PNPLA8: variants seen among roughly 807,000 people sequenced by gnomAD.
PNPLA8 encodes the protein patatin like domain 8, phospholipase A2.
Under a neutral mutation model 76.9 loss-of-function variants are expected in PNPLA8, and 39 were observed. That is an observed-to-expected ratio of 0.51 (90% CI 0.39 to 0.66). PNPLA8 has a LOEUF of 0.66. PNPLA8 is among the 30% of genes least tolerant of loss of function. The probability of loss-of-function intolerance (pLI) is 0.00; values close to 1 mark genes in which losing one functional copy is unlikely to be tolerated. For missense variants in PNPLA8, 887 were observed against 918.0 expected (o/e 0.97, Z 0.44); for synonymous variants, 301 against 307.9 (o/e 0.98, Z 0.24).
chr7:108,487,874 C>G lies in PNPLA8; in HGVS notation c.1763G>C (p.Gly588Ala). The G allele has an allele frequency of 6.2e-7, 1 of 1,613,158 alleles. No individual in the cohort carries two copies. Among genetic ancestry groups the G allele is most frequent in the South Asian group, 1.1e-5 (1 of 91,018 alleles). Residue 588 changes from glycine to alanine, a missense_variant, in exon 9 of 11, where the codon GGA becomes GCA. Gly to Ala is a moderately conservative substitution (Grantham distance 60). Coordinates refer to ENST00000257694, the MANE Select transcript of PNPLA8 (RefSeq NM_001256007.3). ...FVFRNYGHFP[G>A]INSHYLGGCQ... ...GCCTCCCAAATAATGAGAGTTGATT[C>G]CAGGAAAATGACCATAGTTTCTGAA...
intron 9 of PNPLA8, 116 bp from the exon 10 acceptor site, chr7:108,479,495 CTT>C (rs1860245180): frequency 1.5e-6 from 1 of 689,472 alleles, no homozygotes; most frequent in African/African-American, 1.8e-5. Context: ...AAGTGCATTT[CTT>C]TTATAGACTA....
chr7:108,512,025 C>G (rs756608289), intron 4 of PNPLA8, among the ~76,000 whole-genome samples: 4 of 152,172 alleles, frequency 2.6e-5, no homozygotes, highest in Non-Finnish European at 5.9e-5. Context: ...GTGGCAACTT[C>G]TGCTGAAATA....
Position 108,514,473 on chromosome 7 carries a change from G to C in PNPLA8, c.1019C>G (p.Ala340Gly). 1.2e-6 allele frequency: 2 copies of C among 1,612,826 alleles called. No homozygotes were observed. The highest frequency in any genetic ancestry group is 1.1e-5 in the South Asian group (1 of 91,008). Residue 340 changes from alanine (A) to glycine (G), a missense_variant, in exon 3 of 11, where the codon GCA (alanine) becomes GGA (glycine). Coordinates refer to ENST00000257694, the MANE Select transcript of PNPLA8 (RefSeq NM_001256007.3). ...AAGAGATAAACGCTTTTTCTCCTCT[G>C]CATTTCTGTCTTTGCTGACAGCCTG... ...TDQAVSKDRN[A>G]EEKKRLSLQR...
At chr7:108,506,105 C>A (rs944036421) in intron 4 of PNPLA8, among the ~76,000 whole-genome samples, 1 of 152,166 alleles carries the variant, frequency 6.6e-6, no homozygotes, top group African/African-American at 2.4e-5. Flanking sequence ...AGGTTGGGCA[C>A]AGTGGCTCAC....
intron 8 of PNPLA8, among the ~76,000 whole-genome samples, chr7:108,490,052 G>A (rs1321159056): frequency 2.6e-5 from 4 of 152,162 alleles, no homozygotes; most frequent in South Asian, 2.1e-4. Flanking sequence ...GACTATAAAC[G>A]GGCTTCTATG....
intron 4 of PNPLA8, chr7:108,502,887 ATACT>A (rs1001930380): frequency 1.0e-5 from 3 of 288,434 alleles, no homozygotes; most frequent in African/African-American, 4.4e-5. Flanking sequence ...AAAAGATGTA[ATACT>A]TAACTAGAGA....
At chr7:108,502,016 T>C (rs1861985601) in intron 5 of PNPLA8, among the ~76,000 whole-genome samples, 1 of 152,080 alleles carries the variant, frequency 6.6e-6, no homozygotes, top group Non-Finnish European at 1.5e-5. Flanking sequence ...CTGAAGTATA[T>C]GTCAGAGTAG....
intron 10 of PNPLA8, 116 bp from the exon 11 acceptor site, chr7:108,472,791 A>G (rs1158771270): frequency 1.6e-6 from 1 of 628,758 alleles, no homozygotes; most frequent in Non-Finnish European, 2.6e-6. Context: ...CATTACAAAG[A>G]TTCACTAATT....
At chr7:108,522,176 C>T (rs992483000) in intron 1 of PNPLA8, among the ~76,000 whole-genome samples, 1 of 151,924 alleles carries the variant, frequency 6.6e-6, no homozygotes, top group East Asian at 1.9e-4. Context: ...TGACTATAGT[C>T]CCAGCTATTC....
intron 5 of PNPLA8, among the ~76,000 whole-genome samples, chr7:108,501,778 C>A (rs1388926449): frequency 6.6e-6 from 1 of 151,782 alleles, no homozygotes; most frequent in Non-Finnish European, 1.5e-5. Context: ...GATCTGAGAT[C>A]GCACCACTGC....
At chr7:108,514,103 C>A in intron 4 of PNPLA8, 41 bp downstream of exon 4, 2 of 1,411,520 alleles carry the variant, frequency 1.4e-6, no homozygotes, top group Non-Finnish European at 2.0e-6. Flanking sequence ...TTTAGTACTT[C>A]TATTCCAAGA....
chr7:108,516,782 A>C (rs532327663), intron 2 of PNPLA8, among the ~76,000 whole-genome samples: 1 of 152,186 alleles, frequency 6.6e-6, no homozygotes, highest in East Asian at 1.9e-4. Flanking sequence ...CACGTCGGTA[A>C]TCTCAGCTAC....
chr7:108,478,873 G>A (rs1860186647), intron 10 of PNPLA8, among the ~76,000 whole-genome samples: 1 of 152,122 alleles, frequency 6.6e-6, no homozygotes, highest in African/African-American at 2.4e-5. Flanking sequence ...GACTCCTTTT[G>A]TTGCTTTTCC....
rs766590500 is a variant in PNPLA8, at chr7:108,515,043, A to T, written c.449T>A (p.Ile150Asn). Residue 150 changes from isoleucine (I) to asparagine (N), a missense_variant, in exon 3 of 11, where the codon ATC becomes AAC. By Grantham distance (149) the Ile-to-Asn change is moderately radical. Transcript: ENST00000257694. Reference sequence around the variant, plus strand: ...TTTCAGAGATTTGATGGCTTGTTTGATGTTTTTCTGTTTTAACCAGCCACT... The same window carrying T: ...TTTCAGAGATTTGATGGCTTGTTTGTTGTTTTTCTGTTTTAACCAGCCACT... Reference protein sequence around the residue: ...SDSGWLKQKNIKQAIKSLKKY... With the variant: ...SDSGWLKQKNNKQAIKSLKKY... The T allele has an allele frequency of 6.2e-7, 1 of 1,607,846 alleles. No individual in the cohort carries two copies. The highest frequency in any genetic ancestry group is 8.5e-7 in the Non-Finnish European group (1 of 1,179,862).
In PNPLA8 at chr7:108,494,149, T is replaced by C. The variant is rs79993898; in HGVS notation, c.1625+2435A>G. On this transcript the variant is annotated intron_variant, in intron 7 of 10. Coordinates refer to ENST00000257694, the MANE Select transcript of PNPLA8 (RefSeq NM_001256007.3). Reference sequence around the variant, plus strand: ...AGAATTACATATAAACTGAAAACTTTAGAACTAGGAAATAATACAAATATT... The same window carrying C: ...AGAATTACATATAAACTGAAAACTTCAGAACTAGGAAATAATACAAATATT... Among the ~76,000 whole-genome samples, 1,165 of 152,294 alleles carry C rather than the reference T, an allele frequency of 7.6e-3. 14 individuals carry two copies. The highest frequency in any genetic ancestry group is 0.026 in the African/African-American group (1,085 of 41,546).
intron 2 of PNPLA8, among the ~76,000 whole-genome samples, chr7:108,518,719 GAATATATA>G (rs1388789878): frequency 1.8e-4 from 7 of 39,166 alleles, no homozygotes; most frequent in African/African-American, 8.0e-4. Flanking sequence ...ATATGCACAT[GAATATATA>G]TATATATATA....
intron 4 of PNPLA8, among the ~76,000 whole-genome samples, chr7:108,507,010 A>G (rs1375485597): frequency 6.6e-6 from 1 of 152,138 alleles, no homozygotes; most frequent in Non-Finnish European, 1.5e-5. Context: ...CAAATTCAGC[A>G]TTTTAAAAAA....
At chr7:108,475,355 C>G (rs1360564604) in intron 10 of PNPLA8, among the ~76,000 whole-genome samples, 1 of 152,118 alleles carries the variant, frequency 6.6e-6, no homozygotes, top group African/African-American at 2.4e-5. Context: ...AAACTATCTT[C>G]CACGAAACCA....
At chr7:108,482,700 T>C (rs1342943778) in intron 9 of PNPLA8, among the ~76,000 whole-genome samples, 2 of 152,254 alleles carry the variant, frequency 1.3e-5, no homozygotes, top group Non-Finnish European at 2.9e-5. Flanking sequence ...TTTCATCTTC[T>C]GTTTTCAACA....
Sources: allele counts gnomAD v4.1 joint callset (sites outside exome capture counted in the v4.1 genomes callset), GRCh38; gene constraint gnomAD v4.1.1; transcripts MANE v1.5; gene names NCBI Gene and HGNC (gene_info 2026-07-23, HGNC 2026-07-21).